NIPBL: variants seen among roughly 807,000 people sequenced by gnomAD.
NIPBL encodes NIPBL cohesin loading factor.
Under a neutral mutation model 321.8 loss-of-function variants are expected in NIPBL, and 19 were observed. That is an observed-to-expected ratio of 0.06 (90% confidence interval 0.04 to 0.09). The LOEUF (loss-of-function observed/expected upper bound fraction) is 0.09. Ranked by LOEUF, NIPBL falls within the 10% of genes least tolerant of loss-of-function variation. The pLI, the probability that NIPBL is intolerant of heterozygous loss-of-function variation, is 1.00. For missense variants in NIPBL, 2,210 were observed against 3,327.0 expected (o/e 0.66, Z 8.26); for synonymous variants, 1,106 against 1,114.1 (o/e 0.99, Z 0.14).
intron 40 of NIPBL, among the ~76,000 whole-genome samples, chr5:37,050,292 C>T (rs1040402899): frequency 3.3e-5 from 5 of 151,892 alleles, no homozygotes; most frequent in African/African-American, 9.7e-5. Flanking sequence ...GGCAAAACCC[C>T]GTCTCTACTA....
At chr5:37,038,787 G>A (rs1232320036) in intron 34 of NIPBL, 49 bp downstream of exon 34, 17 of 1,590,484 alleles carry the variant, frequency 1.1e-5, no homozygotes, top group African/African-American at 4.0e-5. Context: ...AACATTAAGT[G>A]CTTTAAATTT....
chr5:36,906,814 G>A (rs1160305909), intron 1 of NIPBL, among the ~76,000 whole-genome samples: 1 of 152,144 alleles, frequency 6.6e-6, no homozygotes, highest in Non-Finnish European at 1.5e-5. Flanking sequence ...ATATTTTCTA[G>A]AACTTTAATC....
At chr5:36,976,515 C>T (rs559251798) in intron 9 of NIPBL, 113 bp downstream of exon 9, 2 of 998,398 alleles carry the variant, frequency 2.0e-6, no homozygotes, top group East Asian at 5.2e-5. Flanking sequence ...TTTATGTCTA[C>T]TCAAGTACAT....
At chr5:36,880,141 G>A (rs4145585) in intron 1 of NIPBL, among the ~76,000 whole-genome samples, 4 of 138,654 alleles carry the variant, frequency 2.9e-5, no homozygotes, top group Non-Finnish European at 4.8e-5. Flanking sequence ...ATATGAGCAA[G>A]CTATACCAAT....
At chr5:37,038,774 T>C (rs1371144559) in intron 34 of NIPBL, 36 bp downstream of exon 34, 1 of 1,603,278 alleles carries the variant, frequency 6.2e-7, no homozygotes, top group Middle Eastern at 1.9e-4. Flanking sequence ...GTATCTTACA[T>C]AAAACATTAA....
chr5:36,898,766 C>T (rs953255319), intron 1 of NIPBL, among the ~76,000 whole-genome samples: 4 of 152,172 alleles, frequency 2.6e-5, no homozygotes, highest in Non-Finnish European at 5.9e-5. Context: ...CCACCTCACC[C>T]TCCCAAAGTG....
At chr5:36,960,051 G>A (rs1741433219) in intron 4 of NIPBL, among the ~76,000 whole-genome samples, 1 of 152,044 alleles carries the variant, frequency 6.6e-6, no homozygotes, top group Non-Finnish European at 1.5e-5. Flanking sequence ...GGGCAATGCA[G>A]AGAGACCCTG....
intron 4 of NIPBL, among the ~76,000 whole-genome samples, chr5:36,960,751 T>C (rs1303588451): frequency 6.6e-6 from 1 of 152,210 alleles, no homozygotes; most frequent in Non-Finnish European, 1.5e-5. Flanking sequence ...TTATCTGATT[T>C]TGAAATGTCT....
At chr5:36,989,930 CAT>C (rs1275212797) in intron 10 of NIPBL, among the ~76,000 whole-genome samples, 1 of 147,960 alleles carries the variant, frequency 6.8e-6, no homozygotes, top group African/African-American at 2.5e-5. Context: ...TAATTACAAA[CAT>C]ATTTGATTTT....
intron 1 of NIPBL, among the ~76,000 whole-genome samples, chr5:36,891,726 G>A (rs1280474067): frequency 1.3e-5 from 2 of 152,160 alleles, no homozygotes; most frequent in Non-Finnish European, 2.9e-5. Flanking sequence ...ATTTAGTAAT[G>A]GAGTATGTTT....
chr5:36,990,271 T>C (rs1021980309), intron 10 of NIPBL, among the ~76,000 whole-genome samples: 2 of 152,210 alleles, frequency 1.3e-5, no homozygotes, highest in Admixed American at 6.5e-5. Context: ...AGTTATCTAC[T>C]GTTACAGTTA....
chr5:37,016,440 A>G (rs1749008427), intron 23 of NIPBL, among the ~76,000 whole-genome samples: 1 of 152,018 alleles, frequency 6.6e-6, no homozygotes, highest in Non-Finnish European at 1.5e-5. Flanking sequence ...TGTTAAAAGC[A>G]TCTCAACACT....
intron 1 of NIPBL, among the ~76,000 whole-genome samples, chr5:36,894,534 GAT>G (rs1746588072): frequency 1.3e-5 from 2 of 151,892 alleles, no homozygotes; most frequent in Non-Finnish European, 2.9e-5. Context: ...GCTCTATTTT[GAT>G]AACTTGTTTT....
chr5:36,952,790 G>A (rs1024774571), intron 1 of NIPBL, among the ~76,000 whole-genome samples: 1 of 152,164 alleles, frequency 6.6e-6, no homozygotes, highest in Non-Finnish European at 1.5e-5. Flanking sequence ...GAAACATGTA[G>A]TGATAGTTGG....
At chr5:36,884,650 C>A (rs974094439) in intron 1 of NIPBL, among the ~76,000 whole-genome samples, 3 of 152,188 alleles carry the variant, frequency 2.0e-5, no homozygotes. Context: ...TCTATAACAT[C>A]ATCACAGTGC....
At chr5:36,885,305 A>G (rs1745808156) in intron 1 of NIPBL, 1 of 497,512 alleles carries the variant, frequency 2.0e-6, no homozygotes, top group South Asian at 1.5e-5. Flanking sequence ...CAGTGCAGCC[A>G]GCGTCTATGC....
In NIPBL at chr5:37,045,571, C is replaced by G. The variant is rs1004754879; in HGVS notation, c.6472C>G (p.Leu2158Val). Residue 2158 changes from leucine to valine, a missense_variant, in exon 37 of 47, where the codon CTG becomes GTG. Around this residue, in one of 14 missense-constraint regions of NIPBL, gnomAD observed 73 missense variants for 222.3 expected, o/e 0.33. Coordinates refer to ENST00000282516, the MANE Select transcript of NIPBL (RefSeq NM_133433.4). ...ACTATGTCGGCATTTTGATTTTGAT[C>G]TGGAAGATTTTAAAGGCAACAGCAA... is the stretch of plus-strand genomic sequence containing the variant. ...GALCRHFDFD[L>V]EDFKGNSKVN... is the part of the protein sequence containing the mutation. The G allele has an allele frequency of 1.2e-6, 2 of 1,614,000 alleles. No homozygotes were observed. Among genetic ancestry groups the G allele is most frequent in the South Asian group, 1.1e-5 (1 of 91,068 alleles).
intron 1 of NIPBL, among the ~76,000 whole-genome samples, chr5:36,919,369 CTTT>C (rs1029389374): frequency 1.4e-5 from 2 of 145,922 alleles, no homozygotes; most frequent in Admixed American, 6.9e-5. Flanking sequence ...TCCTACCTCT[CTTT>C]TTTTTTTTAA....
intron 43 of NIPBL, among the ~76,000 whole-genome samples, chr5:37,057,841 T>C (rs1291243795): frequency 6.6e-6 from 1 of 152,226 alleles, no homozygotes; most frequent in African/African-American, 2.4e-5. Flanking sequence ...GTTTCTGTCA[T>C]GACTTTTAGG....
Sources: allele counts gnomAD v4.1 joint callset (sites outside exome capture counted in the v4.1 genomes callset), GRCh38; gene constraint gnomAD v4.1.1; regional missense constraint gnomAD v4.1.1; transcripts MANE v1.5; gene names NCBI Gene and HGNC (gene_info 2026-07-23, HGNC 2026-07-21).